Variants in QTRT2 observed in about 807,000 individuals in gnomAD.
The protein encoded by QTRT2 is queuine tRNA-ribosyltransferase accessory subunit 2.
In QTRT2, 32 loss-of-function variants were observed where a neutral mutation model predicts 44.8. The observed-to-expected ratio is 0.71, with a 90% CI of 0.54 to 0.96. The LOEUF (loss-of-function observed/expected upper bound fraction) is 0.96. Ranked by LOEUF, QTRT2 falls within the 40% of genes least tolerant of loss-of-function variation. QTRT2 has a pLI of 0.00. For missense variants in QTRT2, 461 were observed against 503.1 expected (o/e 0.92, Z 0.80); for synonymous variants, 182 against 187.4 (o/e 0.97, Z 0.24).
chr3:114,059,821 C>A (rs1239879361), intron 2 of QTRT2, among the ~76,000 whole-genome samples: 2 of 152,190 alleles, frequency 1.3e-5, no homozygotes. Context: ...TAGGGTGGAA[C>A]TTTTATGAAG....
At chr3:114,078,839 T>A (rs2077126690) in intron 7 of QTRT2, 1 of 152,206 alleles carries the variant, frequency 6.6e-6, no homozygotes, top group African/African-American at 2.4e-5. Flanking sequence ...GATTTTCGGA[T>A]TAAGGATGCT....
chr3:114,067,844 T>C (rs544429510), intron 4 of QTRT2, 143 bp from the exon 5 acceptor site: 1 of 628,892 alleles, frequency 1.6e-6, no homozygotes, highest in African/African-American at 1.8e-5. Flanking sequence ...AGGCCTTCTC[T>C]AATTCCAAGT....
rs898102611 is a variant in QTRT2, at chr3:114,057,192, T to A, written c.-22+86T>A. 1.2e-5 allele frequency: 7 copies of A among 577,400 alleles called. No individual in the cohort carries two copies. In the Admixed American group the frequency reaches 2.8e-4, roughly 23 times the overall value. The allele number at this position is 577,400 out of a possible 1,614,324, so 35.8% of individuals were successfully genotyped here. A position where few individuals can be genotyped will look rare whatever the true frequency, so the allele number is the denominator to read the frequency against. ...TCTCTGAGCCAGGTGCCTAGGGAGG[T>A]CTGGGGCCATGGAGATGGCCCATGG... On this transcript the variant is annotated intron_variant, in intron 2 of 9. Coordinates refer to ENST00000281273, the MANE Select transcript of QTRT2 (RefSeq NM_024638.4).
chr3:114,062,397 A>G (rs2107785695), intron 2 of QTRT2, among the ~76,000 whole-genome samples: 1 of 151,902 alleles, frequency 6.6e-6, no homozygotes, highest in South Asian at 2.1e-4. Flanking sequence ...AAAAAGAATA[A>G]AAAGAATACA....
chr3:114,057,647 T>C (rs2076818499), intron 2 of QTRT2: 1 of 152,232 alleles, frequency 6.6e-6, no homozygotes, highest in Non-Finnish European at 1.5e-5. Flanking sequence ...GTAGTTTTTT[T>C]CAAAAGGGTA....
chr3:114,073,498 G>A (rs9851015), intron 6 of QTRT2, among the ~76,000 whole-genome samples: 77,072 of 151,850 alleles, frequency 0.51, 19,665 homozygotes, highest in Middle Eastern at 0.6. Context: ...TCCTGTGTCA[G>A]CTTCCTCAGT....
chr3:114,065,985 A>G (rs772842190), intron 3 of QTRT2, among the ~76,000 whole-genome samples: 6 of 152,258 alleles, frequency 3.9e-5, no homozygotes, highest in Non-Finnish European at 7.3e-5. Context: ...AGAAAATTCA[A>G]GTATTCTGAA....
At chr3:114,059,869 G>A (rs1266392149) in intron 2 of QTRT2, among the ~76,000 whole-genome samples, 3 of 152,172 alleles carry the variant, frequency 2.0e-5, no homozygotes, top group Admixed American at 6.5e-5. Context: ...CACCAAAATC[G>A]TTCACTGTAG....
intron 5 of QTRT2, among the ~76,000 whole-genome samples, chr3:114,069,735 A>G (rs2107793299): frequency 6.6e-6 from 1 of 152,276 alleles, no homozygotes; most frequent in South Asian, 2.1e-4. Context: ...TGGCGGAATG[A>G]TTTATATTGC....
intron 5 of QTRT2, 124 bp from the exon 6 acceptor site, chr3:114,070,502 C>G: frequency 1.3e-6 from 1 of 785,958 alleles, no homozygotes; most frequent in Non-Finnish European, 2.0e-6. Context: ...CCCACCATGT[C>G]TGGATATTGA....
intron 9 of QTRT2, among the ~76,000 whole-genome samples, chr3:114,084,136 C>T (rs997974531): frequency 6.6e-6 from 1 of 150,472 alleles, no homozygotes; most frequent in Non-Finnish European, 1.5e-5. Context: ...GATCTTGGCT[C>T]ACTGCAACCT....
chr3:114,087,387 G>C lies in QTRT2; in HGVS notation c.*1483G>C, dbSNP rs549756058. On this transcript the variant is annotated 3_prime_UTR_variant, in exon 10 of 10. Transcript: ENST00000281273. ...GTAATTTGGTTTTTTGGTTTTTTGG[G>C]GTTTTTTTTGAGACGGAGCCTTGCT... is the stretch of plus-strand genomic sequence containing the variant. The C allele has an allele frequency of 6.6e-6, 1 of 152,076 alleles. No homozygotes were observed. The highest frequency in any genetic ancestry group is 2.4e-5 in the African/African-American group (1 of 41,444). The allele number at this position is 152,076 out of a possible 1,614,324, so 9.4% of individuals were successfully genotyped here.
intron 6 of QTRT2, among the ~76,000 whole-genome samples, 195 bp from the exon 7 acceptor site, chr3:114,076,548 A>G (rs1487656778): frequency 6.6e-6 from 1 of 152,214 alleles, no homozygotes; most frequent in African/African-American, 2.4e-5. Context: ...CCTGATTGGT[A>G]AAGTATGTTT....
rs1353010464 is a variant in QTRT2, at chr3:114,070,627, CTG to C, written c.339_340del (p.Ser114CysfsTer38). The C allele has an allele frequency of 6.2e-7, 1 of 1,613,702 alleles. No homozygotes were observed. Among genetic ancestry groups the C allele is most frequent in the Non-Finnish European group, 8.5e-7 (1 of 1,179,730 alleles). On this transcript the variant is annotated frameshift_variant and splice_region_variant, in exon 6 of 10. Transcript: ENST00000281273. LOFTEE classifies it high-confidence loss of function. Reference sequence around the variant, plus strand: ...CCTCATCATTTTGCTCCATGGCAGTCTGTGTCTGTGTGGAGTGTTGCAGGACG... The same window carrying C: ...CCTCATCATTTTGCTCCATGGCAGTCTGTCTGTGTGGAGTGTTGCAGGACG...
At chr3:114,081,627 A>G (rs561421805) in intron 8 of QTRT2, among the ~76,000 whole-genome samples, 6 of 152,198 alleles carry the variant, frequency 3.9e-5, no homozygotes, top group Admixed American at 2.0e-4. Context: ...TTGCAAAGAC[A>G]GGATCTTGCT....
chr3:114,066,054 G>A (rs1287150616), intron 3 of QTRT2, among the ~76,000 whole-genome samples, 174 bp from the exon 4 acceptor site: 1 of 152,162 alleles, frequency 6.6e-6, no homozygotes, highest in Admixed American at 6.5e-5. Flanking sequence ...GAAGGCCTTC[G>A]TTCTGGCTAA....
Position 114,065,328 on chromosome 3 carries a change from G to A in QTRT2, c.71G>A (p.Gly24Glu). 1 of 1,614,054 alleles carries A rather than the reference G, an allele frequency of 6.2e-7. No individual in the cohort carries two copies. The highest frequency in any genetic ancestry group is 1.3e-5 in the African/African-American group (1 of 75,014). Residue 24 changes from glycine to glutamate, a missense_variant, in exon 3 of 10, where the codon GGG becomes GAG. By Grantham distance (98) the Gly-to-Glu change is moderately conservative (BLOSUM62 -2). Coordinates refer to ENST00000281273, the MANE Select transcript of QTRT2 (RefSeq NM_024638.4). Reference sequence around the variant, plus strand: ...AAAATAAAAAACCTGGGCAAAACAGGGGACCACACCATGGATATTCCAGGC... The same window carrying A: ...AAAATAAAAAACCTGGGCAAAACAGAGGACCACACCATGGATATTCCAGGC... ...LGKIKNLGKT[G>E]DHTMDIPGCL...
At chr3:114,065,807 C>T (rs2076946184) in intron 3 of QTRT2, among the ~76,000 whole-genome samples, 1 of 150,558 alleles carries the variant, frequency 6.6e-6, no homozygotes, top group Non-Finnish European at 1.5e-5. Flanking sequence ...TGCCTTTGCA[C>T]ATATACTTGC....
chr3:114,085,661 C>T lies in QTRT2; in HGVS notation c.1017-12C>T, dbSNP rs1015118677. On this transcript the variant is annotated splice_polypyrimidine_tract_variant and intron_variant, in intron 9 of 9. Transcript: ENST00000281273. ...CGTACTTTCTGGAATGTCACTGTGA[C>T]TTCTTTCTTAGGTACCAGGAGGACT... The T allele has an allele frequency of 1.2e-6, 2 of 1,608,020 alleles. No homozygotes were observed. Among genetic ancestry groups the T allele is most frequent in the Non-Finnish European group, 1.7e-6 (2 of 1,174,386 alleles).
Sources: gnomAD v4.1 joint callset for allele counts (sites outside exome capture counted in the v4.1 genomes callset) on GRCh38, gnomAD v4.1.1 for gene constraint, MANE v1.5 for transcripts, NCBI Gene and HGNC (gene_info 2026-07-23, HGNC 2026-07-21) for gene names.